The following BAHCC1 variants were observed in gnomAD, a reference collection of about 807,000 sequenced individuals.
The protein encoded by BAHCC1 is BAH and coiled-coil domain-containing protein 1.
A neutral mutation model predicts 88.2 loss-of-function variants in BAHCC1; 43 were observed. The observed-to-expected ratio is 0.49, with a 90% CI of 0.38 to 0.63. The LOEUF (loss-of-function observed/expected upper bound fraction) is 0.63. BAHCC1 is among the 20% of genes least tolerant of loss of function. The pLI is 0.00. For missense variants in BAHCC1, 3,023 were observed against 1,654.8 expected, an observed-to-expected ratio of 1.83 and a Z score of -14.34; for synonymous variants, 1,510 against 745.5, an observed-to-expected ratio of 2.03 and a Z score of -16.71.
rs782103201 is a variant in BAHCC1, at chr17:81,443,483, CAGA to C, written c.2137_2139del (p.Lys713del). Reference sequence around the variant, plus strand: ...GGGCATTGCAGTGGCCTTGGCCCGGCAGAAGGACACAGTGAGCCGGTCTGAGGC... The same window carrying C: ...GGGCATTGCAGTGGCCTTGGCCCGGCAGGACACAGTGAGCCGGTCTGAGGC... On this transcript the variant is annotated inframe_deletion, in exon 5 of 28. Coordinates refer to ENST00000675386, the MANE Select transcript of BAHCC1 (RefSeq NM_001377448.1). The C allele has an allele frequency of 1.5e-5, 11 of 715,932 alleles. No individual in the cohort carries two copies. The highest frequency in any genetic ancestry group is 2.3e-5 in the Non-Finnish European group (9 of 386,890). 44.3% of individuals were successfully genotyped at this position (715,932 alleles called of 1,614,324 possible). A position where few individuals can be genotyped will look rare whatever the true frequency, so the allele number is the denominator to read the frequency against.
At chr17:81,417,870 T>C (rs906840026) in intron 2 of BAHCC1, among the ~76,000 whole-genome samples, 10 of 152,178 alleles carry the variant, frequency 6.6e-5, no homozygotes, top group Admixed American at 5.2e-4. Context: ...CTGCTGCAGG[T>C]CCCGGGCTGA....
chr17:81,437,914 A>G (rs1380306456), intron 3 of BAHCC1, among the ~76,000 whole-genome samples: 1 of 152,056 alleles, frequency 6.6e-6, no homozygotes, highest in Admixed American at 6.5e-5. Context: ...CCCCAGCAGC[A>G]CTGGCCCCTG....
intron 13 of BAHCC1, 134 bp downstream of exon 13, chr17:81,452,241 G>T (rs1598501060): frequency 2.0e-6 from 1 of 495,270 alleles, no homozygotes; most frequent in Non-Finnish European, 3.5e-6. Context: ...AGACACCAGG[G>T]TCCATCGGGG....
intron 13 of BAHCC1, among the ~76,000 whole-genome samples, chr17:81,452,448 G>C (rs2064658246): frequency 6.6e-6 from 1 of 150,894 alleles, no homozygotes; most frequent in Admixed American, 6.6e-5. Flanking sequence ...GGCCAGGGCA[G>C]AAGTTGGGGG....
chr17:81,459,427 G>A (rs1309737843), intron 22 of BAHCC1, 69 bp from the exon 23 acceptor site: 5 of 766,868 alleles, frequency 6.5e-6, no homozygotes, highest in African/African-American at 1.7e-5. Flanking sequence ...CCAGGCCCAG[G>A]GACCAGACTC....
intron 2 of BAHCC1, among the ~76,000 whole-genome samples, chr17:81,422,622 C>T (rs782178838): frequency 6.6e-6 from 1 of 152,156 alleles, no homozygotes; most frequent in Non-Finnish European, 1.5e-5. Context: ...CAGCAGGGTC[C>T]CCCAAGTCCG....
chr17:81,406,331 T>C lies in BAHCC1; in HGVS notation c.178+6414T>C, dbSNP rs139167450. On this transcript the variant is annotated intron_variant, in intron 2 of 27. Transcript: ENST00000675386. Reference sequence around the variant, plus strand: ...GGACTCAGAGCACGCCCCTGTCTGTTGGGTAGGTGGGTTACTTGCTCTGCA... The same window carrying C: ...GGACTCAGAGCACGCCCCTGTCTGTCGGGTAGGTGGGTTACTTGCTCTGCA... Among the ~76,000 whole-genome samples the C allele has an allele frequency of 4.6e-3, 706 of 152,324 alleles. 5 individuals carry two copies. Among genetic ancestry groups the C allele is most frequent in the Non-Finnish European group, 6.7e-3 (457 of 68,016 alleles).
chr17:81,461,164 C>T lies in BAHCC1; in HGVS notation c.6501C>T (p.Pro2167=), dbSNP rs782072083. The T allele has an allele frequency of 2.1e-5, 16 of 756,654 alleles. No individual in the cohort carries two copies. The highest frequency in any genetic ancestry group is 3.6e-5 in the Non-Finnish European group (15 of 412,434). 46.9% of individuals were successfully genotyped at this position (756,654 alleles called of 1,614,324 possible). A position where few individuals can be genotyped will look rare whatever the true frequency, so the allele number is the denominator to read the frequency against. Residue 2167 remains proline (P), a synonymous_variant, in exon 26 of 28, where the codon CCC becomes CCT. Coordinates refer to ENST00000675386, the MANE Select transcript of BAHCC1 (RefSeq NM_001377448.1). ...SFSSLASSYA[P]FVGGTGPGLP... is the part of the protein sequence containing the mutation. ...GCAGCCTGGCCAGCTCCTACGCGCC[C>T]TTCGTCGGGGGGACCGGGCCGGGCC...
chr17:81,398,502 C>T (rs991324955), intron 1 of BAHCC1, among the ~76,000 whole-genome samples: 34 of 152,194 alleles, frequency 2.2e-4, no homozygotes, highest in African/African-American at 8.0e-4. Flanking sequence ...CGGTACTGCC[C>T]GGAGCGGAGA....
Position 81,461,505 on chromosome 17 carries a change from C to T in BAHCC1, c.6842C>T (p.Pro2281Leu), listed in dbSNP as rs1555659372. The change falls in exon 26 of 28, where the codon CCG becomes CTG. Residue 2281 changes from proline (P) to leucine (L), a missense_variant. Transcript: ENST00000675386. Reference protein sequence around the residue: ...LRKYAGQAEFPLPYDSDCHSS... With the variant: ...LRKYAGQAEFLLPYDSDCHSS... ...AAGTACGCGGGCCAGGCAGAGTTCC[C>T]GCTGCCCTACGACAGCGACTGCCAC... 6 of 741,396 alleles carry T rather than the reference C, an allele frequency of 8.1e-6. No individual in the cohort carries two copies. Among genetic ancestry groups the T allele is most frequent in the Admixed American group, 5.6e-5 (3 of 53,702 alleles). The allele number at this position is 741,396 out of a possible 1,614,324, so 45.9% of individuals were successfully genotyped here.
chr17:81,443,374 A>G lies in BAHCC1; in HGVS notation c.2025A>G (p.Pro675=). 1 of 776,584 alleles carries G rather than the reference A, an allele frequency of 1.3e-6. No individual in the cohort carries two copies. The highest frequency in any genetic ancestry group is 1.3e-5 in the South Asian group (1 of 74,234). 48.1% of individuals were successfully genotyped at this position (776,584 alleles called of 1,614,324 possible). A position where few individuals can be genotyped will look rare whatever the true frequency, so the allele number is the denominator to read the frequency against. The part of the protein sequence containing the change: ...QEAKFLSSKG[P]GQSERPDCAR... ...CAAAGTTCCTGTCCTCTAAGGGCCC[A>G]GGCCAGTCGGAGAGGCCGGACTGTG... is the stretch of plus-strand genomic sequence containing the variant. The change falls in exon 5 of 28, where the codon CCA becomes CCG. Residue 675 remains proline (P), a synonymous_variant. Coordinates refer to ENST00000675386, the MANE Select transcript of BAHCC1 (RefSeq NM_001377448.1).
Position 81,452,802 on chromosome 17 carries a change from GC to G in BAHCC1, c.4400del (p.Pro1467HisfsTer82). 2 of 740,612 alleles carry G rather than the reference GC, an allele frequency of 2.7e-6. No homozygotes were observed. The highest frequency in any genetic ancestry group is 1.8e-5 in the African/African-American group (1 of 56,180). The allele number at this position is 740,612 out of a possible 1,614,324, so 45.9% of individuals were successfully genotyped here. On this transcript the variant is annotated frameshift_variant, in exon 14 of 28. Transcript: ENST00000675386. LOFTEE classifies it high-confidence loss of function. The part of the protein sequence containing the change: ...RKRKHSSSLP[A>X]PRPTGPLPRS... ...GCGCAAACACTCAAGCTCGCTGCCT[GC>G]CCCACGTCCCACGGGGCCGCTCCCC...
At chr17:81,403,831 G>T (rs2063846613) in intron 2 of BAHCC1, among the ~76,000 whole-genome samples, 1 of 152,164 alleles carries the variant, frequency 6.6e-6, no homozygotes, top group Admixed American at 6.5e-5. Context: ...GGGCCGCGTG[G>T]ACCGGCGGCG....
At chr17:81,448,099 CAG>C (rs1414276501) in intron 11 of BAHCC1, among the ~76,000 whole-genome samples, 3 of 152,186 alleles carry the variant, frequency 2.0e-5, no homozygotes, top group African/African-American at 7.2e-5. Flanking sequence ...ATGGTGGTCT[CAG>C]AGGAAGGGCC....
Position 81,443,336 on chromosome 17 carries a change from A to C in BAHCC1, c.1987A>C (p.Ile663Leu), listed in dbSNP as rs782098436. The C allele has an allele frequency of 5.1e-6, 4 of 779,106 alleles. No individual in the cohort carries two copies. Among genetic ancestry groups the C allele is most frequent in the Non-Finnish European group, 7.2e-6 (3 of 417,718 alleles). 48.3% of individuals were successfully genotyped at this position (779,106 alleles called of 1,614,324 possible). The change falls in exon 5 of 28, where the codon ATC becomes CTC. Residue 663 changes from isoleucine (I) to leucine (L), a missense_variant. Coordinates refer to ENST00000675386, the MANE Select transcript of BAHCC1 (RefSeq NM_001377448.1). Reference protein sequence around the residue: ...VGLGGLKASCIQQEAKFLSSK... With the variant: ...VGLGGLKASCLQQEAKFLSSK... ...CCTGGGTGGCCTCAAGGCCAGCTGCATCCAGCAGGAAGCAAAGTTCCTGTC... is the reference window on the plus strand; with the variant it reads ...CCTGGGTGGCCTCAAGGCCAGCTGCCTCCAGCAGGAAGCAAAGTTCCTGTC...
At position 81,461,180 on chromosome 17, in the gene BAHCC1, G is replaced by A. The variant is rs782712358; in HGVS notation, c.6517G>A (p.Gly2173Arg). 30 of 747,070 alleles carry A rather than the reference G, an allele frequency of 4.0e-5. No individual in the cohort carries two copies. The highest frequency in any genetic ancestry group is 9.0e-5 in the Admixed American group (5 of 55,580). The allele number at this position is 747,070 out of a possible 1,614,324, so 46.3% of individuals were successfully genotyped here. Residue 2173 changes from glycine (G) to arginine (R), a missense_variant, in exon 26 of 28, where the codon GGG becomes AGG. Coordinates refer to ENST00000675386, the MANE Select transcript of BAHCC1 (RefSeq NM_001377448.1). ...CTACGCGCCCTTCGTCGGGGGGACC[G>A]GGCCGGGCCTCCCCAGGGGAGCCCA... ...SSYAPFVGGTGPGLPRGAHKL... is the reference protein window; with the variant it reads ...SSYAPFVGGTRPGLPRGAHKL...
At chr17:81,398,384 C>T (rs374256067) in intron 1 of BAHCC1, among the ~76,000 whole-genome samples, 1 of 152,148 alleles carries the variant, frequency 6.6e-6, no homozygotes, top group Non-Finnish European at 1.5e-5. Flanking sequence ...TTTTAGGTGG[C>T]CGAGGTCCGG....
At chr17:81,395,779 T>A (rs1367006372) in intron 1 of BAHCC1, 144 bp downstream of exon 1, 1 of 151,138 alleles carries the variant, frequency 6.6e-6, no homozygotes, top group Non-Finnish European at 1.5e-5. Context: ...TATCTTCCCT[T>A]TTAACAAAAT....
intron 2 of BAHCC1, among the ~76,000 whole-genome samples, chr17:81,415,335 G>A (rs1229968039): frequency 2.0e-5 from 3 of 152,250 alleles, no homozygotes; most frequent in Non-Finnish European, 4.4e-5. Context: ...TTCCAAGGGG[G>A]ACCTTCGTTG....
Sources: allele counts gnomAD v4.1 joint callset (sites outside exome capture counted in the v4.1 genomes callset), GRCh38; gene constraint gnomAD v4.1.1; transcripts MANE v1.5; gene names NCBI Gene and HGNC (gene_info 2026-07-23, HGNC 2026-07-21).